The following SEMA3A variants were observed in gnomAD, a reference collection of about 807,000 sequenced individuals.
SEMA3A encodes the protein semaphorin-3A.
SEMA3A carries 29 observed loss-of-function variants against 97.9 expected under a neutral mutation model. That is an observed-to-expected ratio of 0.30 (90% CI 0.22 to 0.40). The LOEUF is 0.40. Ranked by LOEUF, SEMA3A falls within the 10% of genes least tolerant of loss-of-function variation. The pLI is 1.00. For missense variants in SEMA3A, 763 were observed against 951.3 expected, an observed-to-expected ratio of 0.80 and a Z score of 2.60; for synonymous variants, 321 against 323.7, an observed-to-expected ratio of 0.99 and a Z score of 0.09.
chr7:84,171,391 T>A (rs191398491), intron 1 of SEMA3A, among the ~76,000 whole-genome samples: 1 of 152,234 alleles, frequency 6.6e-6, no homozygotes, highest in Admixed American at 6.5e-5. Context: ...GTGTTCAAAC[T>A]GAGGGACTTA....
intron 5 of SEMA3A, among the ~76,000 whole-genome samples, chr7:84,053,069 T>C (rs1347630327): frequency 2.7e-5 from 4 of 147,128 alleles, no homozygotes; most frequent in Non-Finnish European, 6.1e-5. Context: ...TGCACTGTGG[T>C]CTGAGAGATA....
At chr7:84,170,425 C>T (rs988006390) in intron 1 of SEMA3A, among the ~76,000 whole-genome samples, 11 of 151,824 alleles carry the variant, frequency 7.2e-5, no homozygotes, top group African/African-American at 2.4e-4. Context: ...GCTTTTTATG[C>T]TAATAACTCT....
intron 5 of SEMA3A, among the ~76,000 whole-genome samples, chr7:84,052,178 TG>T (rs1170226581): frequency 2.6e-5 from 4 of 151,822 alleles, no homozygotes; most frequent in Non-Finnish European, 5.9e-5. Flanking sequence ...TTCTCTTTTT[TG>T]GTTGTGTCTC....
At chr7:84,096,628 G>A (rs1219806390) in intron 4 of SEMA3A, among the ~76,000 whole-genome samples, 3 of 151,916 alleles carry the variant, frequency 2.0e-5, no homozygotes, top group African/African-American at 7.2e-5. Context: ...AATACAAGGT[G>A]GAAAAGTGAA....
chr7:83,977,760 C>A (rs1584497206), intron 14 of SEMA3A, among the ~76,000 whole-genome samples: 1 of 144,462 alleles, frequency 6.9e-6, no homozygotes, highest in African/African-American at 2.5e-5. Context: ...TTTAAAATTT[C>A]TTTTCTTGGT....
Position 83,959,133 on chromosome 7 carries a change from A to G in SEMA3A, c.*2238T>C, listed in dbSNP as rs1020753963. On this transcript the variant is annotated 3_prime_UTR_variant, in exon 17 of 17. Coordinates refer to ENST00000265362, the MANE Select transcript of SEMA3A (RefSeq NM_006080.3). ...TTAATTGAAGTCGAGACTTTTTTCT[A>G]TTGTCATTTCATAACACTAAACAAA... 1 of 151,936 alleles carries G rather than the reference A, an allele frequency of 6.6e-6. No homozygotes were observed. The highest frequency in any genetic ancestry group is 1.5e-5 in the Non-Finnish European group (1 of 67,880). 9.4% of individuals were successfully genotyped at this position (151,936 alleles called of 1,614,324 possible).
At chr7:84,269,583 A>T (rs1800093213) in intron 3 of SEMA3A, among the ~76,000 whole-genome samples, 1 of 152,144 alleles carries the variant, frequency 6.6e-6, no homozygotes, top group Non-Finnish European at 1.5e-5. Flanking sequence ...CAGAGCACAT[A>T]TGAAAATTGG....
chr7:84,342,953 A>T (rs1802207115), intron 2 of SEMA3A, among the ~76,000 whole-genome samples: 1 of 152,170 alleles, frequency 6.6e-6, no homozygotes, highest in Non-Finnish European at 1.5e-5. Context: ...AAATTTTAAG[A>T]GCTAGTTATG....
chr7:84,384,224 T>C (rs1276988712), intron 1 of SEMA3A, among the ~76,000 whole-genome samples: 3 of 152,192 alleles, frequency 2.0e-5, no homozygotes, highest in Non-Finnish European at 2.9e-5. Context: ...GTTGTCATAT[T>C]ATTTTGATTT....
chr7:84,364,497 T>C (rs1802799654), intron 2 of SEMA3A, among the ~76,000 whole-genome samples: 1 of 151,786 alleles, frequency 6.6e-6, no homozygotes, highest in Admixed American at 6.6e-5. Context: ...TAAAAAATCA[T>C]TTGAATTTTT....
intron 1 of SEMA3A, among the ~76,000 whole-genome samples, chr7:84,151,774 G>C (rs1328366200): frequency 6.6e-6 from 1 of 151,912 alleles, no homozygotes; most frequent in African/African-American, 2.4e-5. Context: ...CAAAATGGGA[G>C]AAAATTTTCG....
chr7:84,123,546 A>G (rs900630133), intron 3 of SEMA3A, among the ~76,000 whole-genome samples: 2 of 151,590 alleles, frequency 1.3e-5, no homozygotes, highest in Non-Finnish European at 2.9e-5. Context: ...CAGTTCTACA[A>G]GAGAAAATTA....
intron 4 of SEMA3A, among the ~76,000 whole-genome samples, chr7:84,078,901 C>A (rs1002728261): frequency 2.0e-5 from 3 of 151,856 alleles, no homozygotes; most frequent in African/African-American, 7.3e-5. Flanking sequence ...ACAGGCAGGG[C>A]GGTTCTTAGT....
intron 3 of SEMA3A, among the ~76,000 whole-genome samples, chr7:84,219,097 CAAA>C (rs1420928128): frequency 7.9e-5 from 12 of 152,050 alleles, no homozygotes; most frequent in Non-Finnish European, 1.8e-4. Context: ...ACATCACCAA[CAAA>C]AGACTGATAA....
chr7:84,169,970 A>C (rs572014911), intron 1 of SEMA3A, among the ~76,000 whole-genome samples: 4 of 152,022 alleles, frequency 2.6e-5, no homozygotes, highest in African/African-American at 9.6e-5. Context: ...TTTAAAAATA[A>C]CATGCCCTCA....
intron 3 of SEMA3A, among the ~76,000 whole-genome samples, chr7:84,305,451 C>T (rs2115842095): frequency 6.6e-6 from 1 of 151,766 alleles, no homozygotes; most frequent in East Asian, 1.9e-4. Flanking sequence ...GTCATATTTG[C>T]TAAATATTTT....
intron 1 of SEMA3A, among the ~76,000 whole-genome samples, chr7:84,172,261 T>C (rs1320484335): frequency 1.3e-5 from 2 of 152,160 alleles, no homozygotes; most frequent in African/African-American, 4.8e-5. Flanking sequence ...AGAGGCAACA[T>C]TGAAAATATT....
chr7:84,239,090 A>G (rs1799301545), intron 3 of SEMA3A, among the ~76,000 whole-genome samples: 1 of 152,210 alleles, frequency 6.6e-6, no homozygotes, highest in South Asian at 2.1e-4. Context: ...TAATTATATC[A>G]TAATGCTAAT....
At chr7:84,387,786 A>T (rs1803437448) in intron 1 of SEMA3A, among the ~76,000 whole-genome samples, 1 of 151,956 alleles carries the variant, frequency 6.6e-6, no homozygotes, top group South Asian at 2.1e-4. Flanking sequence ...ACATATTAAA[A>T]CTCTACATTT....
Sources: gnomAD v4.1 joint callset for allele counts (sites outside exome capture counted in the v4.1 genomes callset) on GRCh38, gnomAD v4.1.1 for gene constraint, MANE v1.5 for transcripts, NCBI Gene and HGNC (gene_info 2026-07-23, HGNC 2026-07-21) for gene names.